Variants in FBXO41 observed in about 807,000 individuals in gnomAD.
FBXO41 encodes F-box only protein 41.
FBXO41 carries 33 observed loss-of-function variants against 81.6 expected under a neutral mutation model. That is an observed-to-expected ratio of 0.40 (90% confidence interval 0.31 to 0.54). The LOEUF is 0.54. Among genes scored for constraint, FBXO41 ranks in the 20% least tolerant of loss-of-function variants. FBXO41 has a pLI of 0.39. For synonymous variants in FBXO41, 576 were observed against 552.7 expected (o/e 1.04, Z -0.59); for missense variants, 1,107 against 1,236.0 (o/e 0.90, Z 1.56).
chr2:73,268,860 C>A lies in FBXO41; in HGVS notation c.771G>T (p.Arg257Ser). The change falls in exon 2 of 13, where the codon AGG (arginine) becomes AGT (serine). Residue 257 changes from arginine (R) to serine (S), a missense_variant. Around this residue, in one of 2 missense-constraint regions of FBXO41, gnomAD observed 771 missense variants for 789.2 expected, o/e 0.98. Transcript: ENST00000520530. ...ELETARQESA[R>S]LGREKEELEE... The stretch of plus-strand genomic sequence containing the variant: ...CCAGCTCCTCCTTCTCGCGCCCGAG[C>A]CTCGCACTCTCCTGCCGCGCAGTCT... 6.4e-7 allele frequency: 1 copy of A among 1,566,874 alleles called. No homozygotes were observed. The highest frequency in any genetic ancestry group is 8.6e-7 in the Non-Finnish European group (1 of 1,157,864).
At chr2:73,279,091 G>A (rs1688778083) in intron 1 of FBXO41, among the ~76,000 whole-genome samples, 2 of 152,186 alleles carry the variant, frequency 1.3e-5, no homozygotes, top group African/African-American at 4.8e-5. Flanking sequence ...GTGCAAATGG[G>A]GAGAAGGATG....
intron 2 of FBXO41, among the ~76,000 whole-genome samples, chr2:73,267,152 A>G (rs1042694311): frequency 4.6e-5 from 7 of 152,148 alleles, no homozygotes; most frequent in African/African-American, 7.2e-5. Context: ...ACACACTTAG[A>G]GCCACCAGCC....
rs2103888069 is a variant in FBXO41 at position 73,269,199 on chromosome 2, G to C, written c.432C>G (p.Arg144=). ...GGATCTCGATCTCGCGCAGCGCATA[G>C]CGCGCTGCTGCGGCGGGCACAAGGC... ...EPGLVPAAAA[R]YALREIEIPL... Residue 144 remains arginine (R), a synonymous_variant, in exon 2 of 13, where the codon CGC becomes CGG. Transcript: ENST00000520530. The surrounding 1 kb of genome is among the most constrained non-coding windows in gnomAD (Gnocchi z 7.0). The C allele has an allele frequency of 6.6e-7, 1 of 1,525,828 alleles. No individual in the cohort carries two copies. The highest frequency in any genetic ancestry group is 2.0e-5 in the Admixed American group (1 of 49,252). The allele number at this position is 1,525,828 out of a possible 1,614,324, so 94.5% of individuals were successfully genotyped here.
At position 73,265,474 on chromosome 2, in the gene FBXO41, G is replaced by A. The variant is rs368356682; in HGVS notation, c.1372C>T (p.Arg458Cys). 6.7e-5 allele frequency: 108 copies of A among 1,603,030 alleles called. No individual in the cohort carries two copies. The highest frequency in any genetic ancestry group is 1.5e-4 in the Admixed American group (9 of 59,294). ...GCCTGGCGCCGCAGGCCTGAGCTGC[G>A]AGGGGGCTGGGACCGCTCTGAGCCC... is the stretch of plus-strand genomic sequence containing the variant. ...NGGSERSQPP[R>C]SSGLRRQAIQ... The change falls in exon 5 of 13, where the codon CGC becomes TGC. Residue 458 changes from arginine to cysteine, a missense_variant. Physicochemically the swap from Arg to Cys is radical, Grantham distance 180 (BLOSUM62 -3). Coordinates refer to ENST00000520530, the MANE Select transcript of FBXO41 (RefSeq NM_001371389.2).
At position 73,269,589 on chromosome 2, in the gene FBXO41, C is replaced by G; in HGVS notation, c.42G>C (p.Gly14=). ...ACAGGCTCCGGAAGCGCTTGTGCTC[C>G]CCGCAGCGGGGGCAGCGGTACGGCA... ...LDLPYRCPRC[G]EHKRFRSLSS... The change falls in exon 2 of 13, where the codon GGG becomes GGC. Residue 14 remains glycine (G), a synonymous_variant. Coordinates refer to ENST00000520530, the MANE Select transcript of FBXO41 (RefSeq NM_001371389.2). The surrounding 1 kb of genome is among the most constrained non-coding windows in gnomAD (Gnocchi z 7.0). The G allele has an allele frequency of 7.6e-7, 1 of 1,321,042 alleles. No individual in the cohort carries two copies. Among genetic ancestry groups the G allele is most frequent in the Non-Finnish European group, 9.8e-7 (1 of 1,025,456 alleles). 81.8% of individuals were successfully genotyped at this position (1,321,042 alleles called of 1,614,324 possible). A position where few individuals can be genotyped will look rare whatever the true frequency, so the allele number is the denominator to read the frequency against.
At chr2:73,270,429 T>G (rs1469525029) in intron 1 of FBXO41, among the ~76,000 whole-genome samples, 1 of 152,180 alleles carries the variant, frequency 6.6e-6, no homozygotes. Context: ...CTTATTTTCA[T>G]TTTTTGCAGA....
rs774022165 is a variant in FBXO41 at position 73,266,501 on chromosome 2, C to A, written c.1087G>T (p.Gly363Trp). The A allele has an allele frequency of 2.5e-6, 4 of 1,589,454 alleles. No individual in the cohort carries two copies. The highest frequency in any genetic ancestry group is 1.3e-5 in the African/African-American group (1 of 74,346). The change falls in exon 3 of 13, where the codon GGG becomes TGG. Residue 363 changes from glycine (G) to tryptophan (W), a missense_variant. Gly to Trp is a radical substitution (Grantham distance 184). Around this residue, in one of 2 missense-constraint regions of FBXO41, gnomAD observed 771 missense variants for 789.2 expected, o/e 0.98. Coordinates refer to ENST00000520530, the MANE Select transcript of FBXO41 (RefSeq NM_001371389.2). The surrounding 1 kb of genome is among the most constrained non-coding windows in gnomAD (Gnocchi z 5.3). ...GCATTGGGTCCAGCACCACCGCCCC[C>A]ACCTCCACGGCCCAGGCTGGCGCTG... ...TPSASLGRGGGGGGAGPNARG... is the reference protein window; with the variant it reads ...TPSASLGRGGWGGGAGPNARG...
chr2:73,264,188 T>C, intron 6 of FBXO41, 90 bp downstream of exon 6: 1 of 1,589,020 alleles, frequency 6.3e-7, no homozygotes, highest in Non-Finnish European at 8.6e-7. Context: ...GTTGTAAGGG[T>C]TGCAAGGACC....
Position 73,264,269 on chromosome 2 carries a change from G to T in FBXO41, c.1806+9C>A. ...CAGCAGGGCACAGAAGGCAGGCAGG[G>T]GCAGGTACCTTGGAGCAGACACGGG... On this transcript the variant is annotated intron_variant, in intron 6 of 12. Coordinates refer to ENST00000520530, the MANE Select transcript of FBXO41 (RefSeq NM_001371389.2). 6.2e-7 allele frequency: 1 copy of T among 1,613,310 alleles called. No individual in the cohort carries two copies. The highest frequency in any genetic ancestry group is 8.5e-7 in the Non-Finnish European group (1 of 1,179,796).
rs776965262 is a variant in FBXO41 at position 73,260,779 on chromosome 2, C to T, written c.2251G>A (p.Gly751Arg). Residue 751 changes from glycine to arginine, a missense_variant, in exon 10 of 13, where the codon GGG (glycine) becomes AGG (arginine). Physicochemically the swap from Gly to Arg is moderately radical, Grantham distance 125. Coordinates refer to ENST00000520530, the MANE Select transcript of FBXO41 (RefSeq NM_001371389.2). This position sits in a 1 kb window ranked among gnomAD's most constrained non-coding sequence, Gnocchi z 5.0. ...CWPHLRALGV[G>R]GAGCGVQGLA... ...CCCTGCACCCCACAGCCGGCACCCC[C>T]GACCCCCAGGGCCCGCAGGTGGGGC... 2.6e-6 allele frequency: 4 copies of T among 1,562,820 alleles called. No individual in the cohort carries two copies. The highest frequency in any genetic ancestry group is 1.9e-5 in the Admixed American group (1 of 52,488).
At position 73,257,470 on chromosome 2, in the gene FBXO41, T is replaced by C. The variant is rs1017422743; in HGVS notation, c.*1512A>G. ...GTCCAAGCCAGGTTGTGTTAGGAAG[T>C]TGGGTCCCTGGGAAGGACTGGGTAA... On this transcript the variant is annotated 3_prime_UTR_variant, in exon 13 of 13. Transcript: ENST00000520530. The surrounding 1 kb of genome is among the most constrained non-coding windows in gnomAD (Gnocchi z 4.6). 1.3e-5 allele frequency: 2 copies of C among 151,932 alleles called. No individual in the cohort carries two copies. Among genetic ancestry groups the C allele is most frequent in the Admixed American group, 6.6e-5 (1 of 15,254 alleles). The allele number at this position is 151,932 out of a possible 1,614,324, so 9.4% of individuals were successfully genotyped here.
intron 1 of FBXO41, among the ~76,000 whole-genome samples, chr2:73,278,324 T>C (rs566115890): frequency 1.3e-5 from 2 of 152,332 alleles, no homozygotes; most frequent in Admixed American, 1.3e-4. Context: ...TATGAATTGG[T>C]AAATTTACTT....
At position 73,269,697 on chromosome 2, in the gene FBXO41, A is replaced by T; in HGVS notation, c.-67T>A. ...CCCCGCCGGTCAGCCGGGCGCGCTCATGGGGGACCGCGGGCGAGGCCCCCT... is the reference window on the plus strand; with the variant it reads ...CCCCGCCGGTCAGCCGGGCGCGCTCTTGGGGGACCGCGGGCGAGGCCCCCT... On this transcript the variant is annotated 5_prime_UTR_variant, in exon 2 of 13. The change abolishes an upstream ATG in the 5' untranslated region. Coordinates refer to ENST00000520530, the MANE Select transcript of FBXO41 (RefSeq NM_001371389.2). The surrounding 1 kb of genome is among the most constrained non-coding windows in gnomAD (Gnocchi z 7.0). The T allele has an allele frequency of 1.8e-6, 2 of 1,084,900 alleles. No homozygotes were observed. Among genetic ancestry groups the T allele is most frequent in the Non-Finnish European group, 2.3e-6 (2 of 887,814 alleles). The allele number at this position is 1,084,900 out of a possible 1,614,324, so 67.2% of individuals were successfully genotyped here. A position where few individuals can be genotyped will look rare whatever the true frequency, so the allele number is the denominator to read the frequency against.
At chr2:73,274,796 G>A (rs1688640124) in intron 1 of FBXO41, among the ~76,000 whole-genome samples, 1 of 151,966 alleles carries the variant, frequency 6.6e-6, no homozygotes, top group Admixed American at 6.5e-5. Context: ...AAAGTGCTAG[G>A]CTCAAATGAT....
chr2:73,255,692 G>A lies in FBXO41; in HGVS notation c.*3290C>T, dbSNP rs1687782415. 1 of 152,658 alleles carries A rather than the reference G, an allele frequency of 6.6e-6. No homozygotes were observed. The highest frequency in any genetic ancestry group is 1.5e-5 in the Non-Finnish European group (1 of 68,050). 9.5% of individuals were successfully genotyped at this position (152,658 alleles called of 1,614,324 possible). ...AGCGCCTTAGAGGGATTGGGGCCCG[G>A]GTGACTCCCCACTGGTGGCCCCAAA... On this transcript the variant is annotated 3_prime_UTR_variant, in exon 13 of 13. Coordinates refer to ENST00000520530, the MANE Select transcript of FBXO41 (RefSeq NM_001371389.2).
Position 73,260,916 on chromosome 2 carries a change from A to G in FBXO41, c.2172-58T>C, listed in dbSNP as rs576583900. 2.1e-4 allele frequency: 297 copies of G among 1,418,758 alleles called. 1 individual carries two copies. In the African/African-American group the frequency reaches 3.9e-3, roughly 19 times the overall value. 87.9% of individuals were successfully genotyped at this position (1,418,758 alleles called of 1,614,324 possible). A position where few individuals can be genotyped will look rare whatever the true frequency, so the allele number is the denominator to read the frequency against. On this transcript the variant is annotated intron_variant, in intron 9 of 12. Coordinates refer to ENST00000520530, the MANE Select transcript of FBXO41 (RefSeq NM_001371389.2). This position sits in a 1 kb window ranked among gnomAD's most constrained non-coding sequence, Gnocchi z 5.0. ...GTCTCTGGATGCTTGATAACCCAGCATGCTCCTCCTGTGGGACCCCTCCCT... is the reference window on the plus strand; with the variant it reads ...GTCTCTGGATGCTTGATAACCCAGCGTGCTCCTCCTGTGGGACCCCTCCCT...
chr2:73,263,329 T>G (rs1008464736), intron 8 of FBXO41, 21 bp from the exon 9 acceptor site: 3 of 1,484,168 alleles, frequency 2.0e-6, no homozygotes, highest in African/African-American at 2.8e-5. Flanking sequence ...ACAAAGCTGC[T>G]AGTCAGGCAG....
At chr2:73,273,643 C>A (rs2103901309) in intron 1 of FBXO41, among the ~76,000 whole-genome samples, 1 of 152,238 alleles carries the variant, frequency 6.6e-6, no homozygotes, top group African/African-American at 2.4e-5. Flanking sequence ...GAGCCTGGAG[C>A]CTCTTGTGGC....
chr2:73,280,552 A>G (rs1248177539), intron 1 of FBXO41, among the ~76,000 whole-genome samples: 1 of 152,174 alleles, frequency 6.6e-6, no homozygotes, highest in Non-Finnish European at 1.5e-5. Context: ...GTGCCCTACA[A>G]GATTTTGCTC....
Sources: gnomAD v4.1 joint callset for allele counts (sites outside exome capture counted in the v4.1 genomes callset) on GRCh38, gnomAD v4.1.1 for gene constraint, gnomAD v4.1.1 regional missense constraint, Gnocchi (gnomAD v3.1) non-coding constraint, MANE v1.5 for transcripts, NCBI Gene and HGNC (gene_info 2026-07-23, HGNC 2026-07-21) for gene names.